Variants in PCDH15 observed in about 807,000 individuals in gnomAD.
PCDH15 encodes protocadherin-15.
In PCDH15, 129 loss-of-function variants were observed where a neutral mutation model predicts 178.5. The observed-to-expected ratio is 0.72, with a 90% CI of 0.63 to 0.84. The LOEUF (loss-of-function observed/expected upper bound fraction) is 0.84. PCDH15 is among the 40% of genes least tolerant of loss of function. PCDH15 has a pLI of 0.00. For synonymous variants in PCDH15, 800 were observed against 732.0 expected, an observed-to-expected ratio of 1.09 and a Z score of -1.50; for missense variants, 2,230 against 2,099.9, an observed-to-expected ratio of 1.06 and a Z score of -1.21.
At chr10:54,101,709 G>C (rs751091591) in intron 15 of PCDH15, among the ~76,000 whole-genome samples, 30 of 152,150 alleles carry the variant, frequency 2.0e-4, no homozygotes, top group African/African-American at 2.7e-4. Context: ...GCTCATGCCT[G>C]TTATCCCAGA....
At chr10:54,519,659 T>C (rs191348358) in intron 3 of PCDH15, among the ~76,000 whole-genome samples, 22 of 152,264 alleles carry the variant, frequency 1.4e-4, no homozygotes, top group African/African-American at 4.6e-4. Flanking sequence ...ATAGATTCAA[T>C]GCCATCCCCA....
rs149714246 is a variant in PCDH15 at position 54,431,001 on chromosome 10, G to A, written c.158-52059C>T. Among the ~76,000 whole-genome samples, 53 of 152,062 alleles carry A rather than the reference G, an allele frequency of 3.5e-4. No individual in the cohort carries two copies. The East Asian group carries it at 9.6e-3, about 28-fold the overall frequency. On this transcript the variant is annotated intron_variant, in intron 3 of 37. Coordinates refer to ENST00000644397, the MANE Select transcript of PCDH15 (RefSeq NM_001384140.1). Reference sequence around the variant, plus strand: ...TGAACAACTATATACCAATAAAATGGAAAATCTAGAGGAAATGGATAAGTT... The same window carrying A: ...TGAACAACTATATACCAATAAAATGAAAAATCTAGAGGAAATGGATAAGTT...
At chr10:55,005,267 A>G (rs1839901067) in intron 2 of PCDH15, among the ~76,000 whole-genome samples, 1 of 140,254 alleles carries the variant, frequency 7.1e-6, no homozygotes, top group South Asian at 2.2e-4. Flanking sequence ...TTTATCTTGT[A>G]CTCCAAATTG....
chr10:53,870,367 T>TA (rs2079749673), intron 26 of PCDH15, among the ~76,000 whole-genome samples: 1 of 152,106 alleles, frequency 6.6e-6, no homozygotes, highest in Non-Finnish European at 1.5e-5. Context: ...AAGAATGAGA[T>TA]AAAAGTTTTT....
chr10:54,843,397 A>G (rs1228298720), intron 3 of PCDH15, among the ~76,000 whole-genome samples: 1 of 151,952 alleles, frequency 6.6e-6, no homozygotes, highest in Non-Finnish European at 1.5e-5. Flanking sequence ...GACATGCTCG[A>G]GCTGGAGTTT....
chr10:55,320,762 G>C (rs555186156), upstream of PCDH15, among the ~76,000 whole-genome samples: 2 of 151,992 alleles, frequency 1.3e-5, no homozygotes, highest in African/African-American at 4.8e-5. Flanking sequence ...AAAGATAAAA[G>C]AAAAATAAAA....
intron 2 of PCDH15, among the ~76,000 whole-genome samples, chr10:54,631,365 C>T (rs2093696126): frequency 6.6e-6 from 1 of 152,020 alleles, no homozygotes; most frequent in Non-Finnish European, 1.5e-5. Context: ...AAAAAATTAC[C>T]CAATGTCAGG....
At chr10:54,097,243 A>AATTAT (rs1207212473) in intron 15 of PCDH15, among the ~76,000 whole-genome samples, 4 of 152,186 alleles carry the variant, frequency 2.6e-5, no homozygotes, top group Admixed American at 6.5e-5. Flanking sequence ...CGTGCAGAGT[A>AATTAT]ATTATATCTA....
chr10:54,153,341 A>G, intron 13 of PCDH15, 48 bp from the exon 14 acceptor site: 1 of 1,600,886 alleles, frequency 6.2e-7, no homozygotes, highest in Non-Finnish European at 8.5e-7. Context: ...TCAACTTTTC[A>G]CCACCATGTC....
intron 2 of PCDH15, among the ~76,000 whole-genome samples, chr10:55,345,988 T>C (rs1037379682): frequency 2.6e-5 from 4 of 152,066 alleles, no homozygotes; most frequent in African/African-American, 7.2e-5. Flanking sequence ...GGATGGTATA[T>C]AAAATAAGAT....
intron 28 of PCDH15, among the ~76,000 whole-genome samples, chr10:53,855,904 G>GTATATATATATATATATA (rs56290679): frequency 0.018 from 2,019 of 109,446 alleles, 191 homozygotes; most frequent in African/African-American, 0.072. Flanking sequence ...AAGGTGATAT[G>GTATATATATATATATATA]TATATATATA....
Position 53,822,417 on chromosome 10 carries a change from TCAGGAGGAGGAGCAAGAGGAGCAGGAG to T in PCDH15, c.4368-2214_4368-2188del, listed in dbSNP as rs757865295. 62 of 1,576,068 alleles carry T rather than the reference TCAGGAGGAGGAGCAAGAGGAGCAGGAG, an allele frequency of 3.9e-5. 1 individual carries two copies. In the East Asian group the frequency reaches 1.2e-3, roughly 30 times the overall value. ...ACAAAAAAGAGAAAAAGGAGAAATGTCAGGAGGAGGAGCAAGAGGAGCAGGAGCAGGAGGAGGAGAAGGAGGAGAAAT... is the reference window on the plus strand; with the variant it reads ...ACAAAAAAGAGAAAAAGGAGAAATGTCAGGAGGAGGAGAAGGAGGAGAAAT... On this transcript the variant is annotated intron_variant, in intron 32 of 37. Coordinates refer to ENST00000644397, the MANE Select transcript of PCDH15 (RefSeq NM_001384140.1).
intron 32 of PCDH15, among the ~76,000 whole-genome samples, chr10:53,825,612 T>C (rs2076626100): frequency 6.6e-6 from 1 of 151,616 alleles, no homozygotes; most frequent in Non-Finnish European, 1.5e-5. Flanking sequence ...ATAGCATTCA[T>C]AGGAAGTTAT....
intron 26 of PCDH15, among the ~76,000 whole-genome samples, chr10:53,870,343 T>C (rs1334574989): frequency 6.6e-6 from 1 of 152,182 alleles, no homozygotes; most frequent in Non-Finnish European, 1.5e-5. Context: ...CCTTAATATT[T>C]GCAGAAAATA....
chr10:55,409,863 G>A (rs549461109), intron 2 of PCDH15, among the ~76,000 whole-genome samples: 7 of 152,096 alleles, frequency 4.6e-5, no homozygotes, highest in African/African-American at 7.2e-5. Flanking sequence ...TTAAATACGC[G>A]TACCTAATAA....
chr10:55,273,912 T>G (rs1401086483), intron 1 of PCDH15, among the ~76,000 whole-genome samples: 1 of 118,392 alleles, frequency 8.4e-6, no homozygotes, highest in Non-Finnish European at 1.8e-5. Context: ...TAGTTAAGTG[T>G]AAAAGTTAAC....
chr10:55,405,062 A>G (rs1259398994), intron 2 of PCDH15, among the ~76,000 whole-genome samples: 2 of 151,498 alleles, frequency 1.3e-5, no homozygotes, highest in African/African-American at 4.8e-5. Context: ...ATAAACAACC[A>G]ATGAAAAAGA....
intron 8 of PCDH15, among the ~76,000 whole-genome samples, chr10:54,292,755 T>C (rs2059501502): frequency 6.6e-6 from 1 of 152,078 alleles, no homozygotes; most frequent in Non-Finnish European, 1.5e-5. Context: ...GAATCCAACA[T>C]ACAAGGGATG....
chr10:55,188,965 T>C (rs1220488770), intron 1 of PCDH15, among the ~76,000 whole-genome samples: 1 of 151,710 alleles, frequency 6.6e-6, no homozygotes, highest in Non-Finnish European at 1.5e-5. Context: ...ATTAAAAAAA[T>C]AAAAAAGAGA....
Sources: gnomAD v4.1 joint callset for allele counts (sites outside exome capture counted in the v4.1 genomes callset) on GRCh38, gnomAD v4.1.1 for gene constraint, MANE v1.5 for transcripts, NCBI Gene and HGNC (gene_info 2026-07-23, HGNC 2026-07-21) for gene names.